Variants in SETBP1 observed in about 807,000 individuals in gnomAD.
SETBP1 encodes SET binding protein 1.
A neutral mutation model predicts 101.0 loss-of-function variants in SETBP1; 9 were observed. That is an observed-to-expected ratio of 0.09 (90% CI 0.05 to 0.16). The LOEUF is 0.16. Among genes scored for constraint, SETBP1 ranks in the 10% least tolerant of loss-of-function variants. The probability of loss-of-function intolerance (pLI) is 1.00; values close to 1 mark genes in which losing one functional copy is unlikely to be tolerated. For missense variants in SETBP1, 1,858 were observed against 2,033.8 expected, an observed-to-expected ratio of 0.91 and a Z score of 1.66; for synonymous variants, 818 against 788.5, an observed-to-expected ratio of 1.04 and a Z score of -0.63.
rs184634626 is a variant in SETBP1 at position 45,037,011 on chromosome 18, C to A, written c.4001-1474C>A. On this transcript the variant is annotated intron_variant, in intron 4 of 5. Coordinates refer to ENST00000649279, the MANE Select transcript of SETBP1 (RefSeq NM_015559.3). ...TGTAAAATTGAGAAAATGGTAATAT[C>A]CACACTACATGCTTCACAGCGTTGC... Among the ~76,000 whole-genome samples, 430 of 152,320 alleles carry A rather than the reference C, an allele frequency of 2.8e-3. 2 individuals are homozygous for A. The highest frequency in any genetic ancestry group is 9.7e-3 in the African/African-American group (405 of 41,546).
At chr18:44,937,185 G>A (rs1308698509) in intron 3 of SETBP1, among the ~76,000 whole-genome samples, 1 of 151,988 alleles carries the variant, frequency 6.6e-6, no homozygotes, top group East Asian at 1.9e-4. Flanking sequence ...GGGCGCGGTG[G>A]CTCACGCCTG....
intron 4 of SETBP1, among the ~76,000 whole-genome samples, chr18:45,001,381 G>A (rs2072616008): frequency 1.3e-5 from 2 of 152,230 alleles, no homozygotes; most frequent in Admixed American, 1.3e-4. Context: ...ATAAATGTTA[G>A]TTGTTTGTGT....
rs955058666 is a variant in SETBP1, at chr18:44,957,343, A to G, written c.4000+4003A>G. ...ACCTAAACTTATGCCAGATACTGAG[A>G]CCTCATGACAACTGCTGTTCAAGCT... On this transcript the variant is annotated intron_variant, in intron 4 of 5. Coordinates refer to ENST00000649279, the MANE Select transcript of SETBP1 (RefSeq NM_015559.3). Among the ~76,000 whole-genome samples the G allele has an allele frequency of 2.0e-5, 3 of 151,778 alleles. No homozygotes were observed. The South Asian group carries it at 6.2e-4, about 32-fold the overall frequency.
chr18:44,713,663 G>T (rs1346694493), intron 2 of SETBP1, among the ~76,000 whole-genome samples: 2 of 152,182 alleles, frequency 1.3e-5, no homozygotes, highest in South Asian at 2.1e-4. Context: ...AGCTGTACCA[G>T]CTTTCTAGAA....
rs1222404358 is a variant in SETBP1 at position 44,953,162 on chromosome 18, A to T, written c.3822A>T (p.Arg1274Ser). 6.2e-7 allele frequency: 1 copy of T among 1,613,940 alleles called. No individual in the cohort carries two copies. The highest frequency in any genetic ancestry group is 1.3e-5 in the African/African-American group (1 of 74,888). Residue 1274 changes from arginine (R) to serine (S), a missense_variant, in exon 4 of 6, where the codon AGA becomes AGT. Physicochemically the swap from Arg to Ser is moderately radical, Grantham distance 110. Transcript: ENST00000649279. Reference sequence around the variant, plus strand: ...GTGGCGGGGATGGTGGCAGCACGAGATCAGAGAACCTGGACGTGTTCAGTG... The same window carrying T: ...GTGGCGGGGATGGTGGCAGCACGAGTTCAGAGAACCTGGACGTGTTCAGTG... ...SGSGGDGGST[R>S]SENLDVFSEM... is the part of the protein sequence containing the mutation.
In SETBP1 at chr18:44,917,891, A is replaced by T. The variant is rs7229254; in HGVS notation, c.541-31990A>T. The stretch of plus-strand genomic sequence containing the variant: ...CCGGGAGCCAGGTTTGGAGAAGGAA[A>T]TAGAAGGGGAAAGGAAGCCCTGAGC... On this transcript the variant is annotated intron_variant, in intron 3 of 5. Coordinates refer to ENST00000649279, the MANE Select transcript of SETBP1 (RefSeq NM_015559.3). Among the ~76,000 whole-genome samples, 743 of 152,100 alleles carry T rather than the reference A, an allele frequency of 4.9e-3. 6 individuals carry two copies. The highest frequency in any genetic ancestry group is 0.017 in the African/African-American group (721 of 41,474).
intron 4 of SETBP1, among the ~76,000 whole-genome samples, chr18:45,034,619 G>T (rs1362237256): frequency 6.6e-6 from 1 of 152,066 alleles, no homozygotes; most frequent in African/African-American, 2.4e-5. Context: ...TTTCCTTCCG[G>T]CTGTGTCTTT....
intron 2 of SETBP1, among the ~76,000 whole-genome samples, chr18:44,827,863 CTGTAGTTCCCTAGG>C (rs1405967516): frequency 6.6e-6 from 1 of 152,200 alleles, no homozygotes; most frequent in Non-Finnish European, 1.5e-5. Flanking sequence ...CACACTTTCC[CTGTAGTTCCCTAGG>C]TGGGAAATGA....
chr18:44,893,449 GC>G (rs2069818683), intron 3 of SETBP1, among the ~76,000 whole-genome samples: 1 of 152,150 alleles, frequency 6.6e-6, no homozygotes, highest in African/African-American at 2.4e-5. Context: ...GAGGTGAGAT[GC>G]AAACACAGGC....
intron 4 of SETBP1, among the ~76,000 whole-genome samples, chr18:45,011,231 A>T (rs2072831141): frequency 6.6e-6 from 1 of 152,188 alleles, no homozygotes. Context: ...CCAGGGATGT[A>T]TGTTGTGTCA....
chr18:45,038,721 A>G (rs1216948242), intron 5 of SETBP1, 66 bp downstream of exon 5: 1 of 1,556,722 alleles, frequency 6.4e-7, no homozygotes, highest in African/African-American at 1.4e-5. Flanking sequence ...GCCCACTGAG[A>G]ATGGCCTGTT....
chr18:44,801,348 C>A (rs2071604424), intron 2 of SETBP1, among the ~76,000 whole-genome samples: 1 of 151,898 alleles, frequency 6.6e-6, no homozygotes. Context: ...TCTGGAAGTT[C>A]TAGGCAGCTA....
chr18:44,690,607 T>A (rs1028114769), intron 1 of SETBP1, among the ~76,000 whole-genome samples: 1 of 152,234 alleles, frequency 6.6e-6, no homozygotes, highest in Admixed American at 6.5e-5. Context: ...TACAGAATAT[T>A]TGAAGACTGG....
intron 4 of SETBP1, among the ~76,000 whole-genome samples, chr18:44,959,845 A>G (rs902175794): frequency 1.3e-5 from 2 of 152,204 alleles, no homozygotes; most frequent in African/African-American, 4.8e-5. Context: ...CTAGAACAGG[A>G]GCCATGCAAA....
chr18:44,882,575 A>T (rs2095212350), intron 3 of SETBP1, among the ~76,000 whole-genome samples: 1 of 151,850 alleles, frequency 6.6e-6, no homozygotes, highest in South Asian at 2.1e-4. Flanking sequence ...CAAAGAAAGA[A>T]TTCTCCAAAT....
intron 4 of SETBP1, among the ~76,000 whole-genome samples, chr18:44,972,088 A>C (rs1568001402): frequency 1.3e-5 from 2 of 152,192 alleles, no homozygotes; most frequent in African/African-American, 2.4e-5. Flanking sequence ...TCAGCTTTCT[A>C]CATATGGCTA....
At chr18:44,755,848 A>G (rs1568127043) in intron 2 of SETBP1, among the ~76,000 whole-genome samples, 1 of 152,168 alleles carries the variant, frequency 6.6e-6, no homozygotes, top group Non-Finnish European at 1.5e-5. Flanking sequence ...GGTTAAAAAA[A>G]GTTAAACAGG....
At chr18:45,022,289 C>A (rs2073087139) in intron 4 of SETBP1, among the ~76,000 whole-genome samples, 1 of 152,212 alleles carries the variant, frequency 6.6e-6, no homozygotes, top group African/African-American at 2.4e-5. Flanking sequence ...AACCTGTAGT[C>A]TGGCCACACA....
chr18:44,804,991 G>A (rs2071697185), intron 2 of SETBP1, among the ~76,000 whole-genome samples: 1 of 152,018 alleles, frequency 6.6e-6, no homozygotes, highest in Non-Finnish European at 1.5e-5. Flanking sequence ...AAATTCCTCT[G>A]TAAGCCTTAG....
Sources: gnomAD v4.1 joint callset for allele counts (sites outside exome capture counted in the v4.1 genomes callset) on GRCh38, gnomAD v4.1.1 for gene constraint, MANE v1.5 for transcripts, NCBI Gene and HGNC (gene_info 2026-07-23, HGNC 2026-07-21) for gene names.